Variants in C4orf50 observed in about 807,000 individuals in gnomAD.
C4orf50 encodes the protein uncharacterized protein C4orf50.
Under a neutral mutation model 77.2 loss-of-function variants are expected in C4orf50, and 80 were observed. The observed-to-expected ratio is 1.04, with a 90% CI of 0.87 to 1.25. The LOEUF is 1.25. Ranked by LOEUF, C4orf50 falls within the 50% of genes most tolerant of loss-of-function variation. The pLI, the probability that C4orf50 is intolerant of heterozygous loss-of-function variation, is 0.00. For synonymous variants in C4orf50, 532 were observed against 465.3 expected (o/e 1.14, Z -1.84); for missense variants, 1,257 against 1,152.9 (o/e 1.09, Z -1.31).
Position 6,009,210 on chromosome 4 carries a change from C to T in C4orf50, c.427-678G>A, listed in dbSNP as rs1722384057. 6.6e-6 allele frequency among the ~76,000 whole-genome samples: 1 copy of T among 152,228 alleles called. No homozygotes were observed. Among genetic ancestry groups the T allele is most frequent in the Admixed American group, 6.5e-5 (1 of 15,288 alleles). On this transcript the variant is annotated intron_variant, in intron 24 of 33. Coordinates refer to ENST00000531445, the Ensembl canonical transcript of C4orf50. This position sits in a 1 kb window ranked among gnomAD's most constrained non-coding sequence, Gnocchi z 5.6. ...TGCCCACCTGCCTGGCCTGGGAACA[C>T]ATCTGCCTCCTCCCACCCACGGGCC...
intron 33 of C4orf50, 55 bp downstream of exon 11, chr4:5,964,969 T>A: frequency 6.4e-7 from 1 of 1,567,844 alleles, no homozygotes. Flanking sequence ...GTAAATGTGT[T>A]GTACTTTCAA....
At chr4:6,002,692 G>T (rs1362548196) in intron 25 of C4orf50, among the ~76,000 whole-genome samples, 2 of 152,190 alleles carry the variant, frequency 1.3e-5, no homozygotes, top group African/African-American at 4.8e-5. Flanking sequence ...GCCTGACTCA[G>T]GGTCGCTGCT....
In C4orf50 at chr4:5,988,720, G is replaced by T; in HGVS notation, c.3326C>A (p.Thr1109Lys). Reference sequence around the variant, plus strand: ...TCCCCTCACCAAACGCCCCTGATCCGTGCTCCTCTGCAAGGTGACTTCCCT... The same window carrying T: ...TCCCCTCACCAAACGCCCCTGATCCTTGCTCCTCTGCAAGGTGACTTCCCT... The change falls in exon 28 of 34, where the codon ACG (threonine) becomes AAG (lysine). Residue 1109 changes from threonine to lysine, a missense_variant. Thr to Lys is a moderately conservative substitution (Grantham distance 78, BLOSUM62 -1). Transcript: ENST00000531445. The T allele has an allele frequency of 4.6e-6, 7 of 1,536,014 alleles. No homozygotes were observed. In the South Asian group the frequency reaches 8.3e-5, roughly 18 times the overall value.
chr4:5,922,545 G>A (rs1400673179), intron 7 of C4orf50, among the ~76,000 whole-genome samples: 2 of 152,158 alleles, frequency 1.3e-5, no homozygotes, highest in Non-Finnish European at 2.9e-5. Flanking sequence ...CCACGGGAAG[G>A]GGCAGGCGTG....
chr4:5,978,638 T>C (rs770584781), intron 29 of C4orf50, among the ~76,000 whole-genome samples: 1 of 152,226 alleles, frequency 6.6e-6, no homozygotes, highest in Non-Finnish European at 1.5e-5. Flanking sequence ...CACTCATTTA[T>C]TGTTGGTGGC....
intron 24 of C4orf50, among the ~76,000 whole-genome samples, chr4:6,010,915 A>G (rs1230684409): frequency 4.6e-5 from 7 of 152,222 alleles, no homozygotes; most frequent in Admixed American, 3.3e-4. Flanking sequence ...AGCCCACACA[A>G]CAATCTGAGG....
In C4orf50 at chr4:5,992,660, C is replaced by G; in HGVS notation, c.1221+143G>C. 5.6e-6 allele frequency: 2 copies of G among 359,438 alleles called. No individual in the cohort carries two copies. Among genetic ancestry groups the G allele is most frequent in the South Asian group, 1.5e-4 (1 of 6,634 alleles). 22.3% of individuals were successfully genotyped at this position (359,438 alleles called of 1,614,324 possible). A position where few individuals can be genotyped will look rare whatever the true frequency, so the allele number is the denominator to read the frequency against. On this transcript the variant is annotated intron_variant, in intron 27 of 33. Coordinates refer to ENST00000531445, the Ensembl canonical transcript of C4orf50. This position sits in a 1 kb window ranked among gnomAD's most constrained non-coding sequence, Gnocchi z 5.0. ...TCATTTCCTCTCCTCAAATCTCTCT[C>G]TCAACTACTTCCAGAATGTTCTCCC...
At chr4:5,961,286 G>A (rs1242073287) in intron 33 of C4orf50, among the ~76,000 whole-genome samples, 1 of 152,200 alleles carries the variant, frequency 6.6e-6, no homozygotes, top group Admixed American at 6.5e-5. Flanking sequence ...CTGCACGCCA[G>A]CCTGGGCAAC....
At chr4:5,940,864 C>T (rs1718230965) in intron 7 of C4orf50, among the ~76,000 whole-genome samples, 2 of 152,148 alleles carry the variant, frequency 1.3e-5, no homozygotes, top group Admixed American at 1.3e-4. Flanking sequence ...TTTCTGGAGG[C>T]TGAGAGGATA....
At chr4:5,997,063 T>C (rs1024127774) in intron 25 of C4orf50, among the ~76,000 whole-genome samples, 1 of 151,688 alleles carries the variant, frequency 6.6e-6, no homozygotes, top group Non-Finnish European at 1.5e-5. Flanking sequence ...GGGAATAGGA[T>C]AGGGAAAGGA....
intron 7 of C4orf50, chr4:5,899,448 G>A (rs373068934): frequency 1.2e-4 from 19 of 152,308 alleles, no homozygotes; most frequent in Admixed American, 9.8e-4. Flanking sequence ...TGCCACAGCG[G>A]AGCTCAAAGC....
rs1720994546 is a variant in C4orf50 at position 5,988,355 on chromosome 4, C to CT, written c.3690_3691insA (p.Gly1231ArgfsTer13). The CT allele has an allele frequency of 1.2e-6, 2 of 1,613,720 alleles. No homozygotes were observed. The highest frequency in any genetic ancestry group is 1.7e-6 in the Non-Finnish European group (2 of 1,179,876). The stretch of plus-strand genomic sequence containing the variant: ...ATGCAGACCCAACCTACCATGGGGC[C>CT]ATTGCTCAGGGAGCTCAGAGCTTGC... On this transcript the variant is annotated frameshift_variant, in exon 28 of 34. Transcript: ENST00000531445. LOFTEE classifies it high-confidence loss of function.
rs536576067 is a variant in C4orf50 at position 5,943,722 on chromosome 4, G to A, written c.*2474+13179C>T. Among the ~76,000 whole-genome samples, 3 of 152,184 alleles carry A rather than the reference G, an allele frequency of 2.0e-5. No homozygotes were observed. The East Asian group carries it at 5.8e-4, about 29-fold the overall frequency. On this transcript the variant is annotated intron_variant, in intron 7 of 7. Transcript: ENST00000324058. ...ATGAAGCCTCTAACACACCCAAGAC[G>A]TAGAAGTCAGAACAAGGACAGGAAA...
intron 7 of C4orf50, among the ~76,000 whole-genome samples, chr4:5,933,779 G>A (rs1717873413): frequency 6.6e-6 from 1 of 152,180 alleles, no homozygotes; most frequent in Admixed American, 6.5e-5. Context: ...CTGTTCCCAA[G>A]ACCTGCACTG....
intron 7 of C4orf50, chr4:5,903,327 A>G (rs543607378): frequency 5.3e-5 from 8 of 152,322 alleles, no homozygotes; most frequent in African/African-American, 1.9e-4. Flanking sequence ...AAAAAATGCA[A>G]CATAGGCATT....
chr4:5,925,168 G>A (rs894567639), intron 7 of C4orf50, among the ~76,000 whole-genome samples: 1 of 152,110 alleles, frequency 6.6e-6, no homozygotes, highest in South Asian at 2.1e-4. Context: ...CACTGAGTGG[G>A]GAAGAGAAGG....
chr4:6,014,665 G>A (rs1176674547), intron 23 of C4orf50, among the ~76,000 whole-genome samples: 1 of 152,150 alleles, frequency 6.6e-6, no homozygotes, highest in Non-Finnish European at 1.5e-5. Context: ...GCTTTTAGCA[G>A]CCCTGGATCA....
intron 31 of C4orf50, among the ~76,000 whole-genome samples, chr4:5,972,301 C>A (rs535490289): frequency 1.4e-4 from 22 of 152,292 alleles, no homozygotes; most frequent in African/African-American, 5.1e-4. Flanking sequence ...CCGCGCCCGG[C>A]CTGCTTTCAA....
intron 7 of C4orf50, among the ~76,000 whole-genome samples, chr4:5,930,762 G>A (rs1717731818): frequency 6.6e-6 from 1 of 152,208 alleles, no homozygotes; most frequent in Non-Finnish European, 1.5e-5. Context: ...CAACTCCAGT[G>A]TGCGTCTCCC....
Sources: allele counts gnomAD v4.1 joint callset (sites outside exome capture counted in the v4.1 genomes callset), GRCh38; gene constraint gnomAD v4.1.1; non-coding constraint Gnocchi (gnomAD v3.1); transcripts MANE v1.5; gene names NCBI Gene and HGNC (gene_info 2026-07-23, HGNC 2026-07-21).